CDCP1: variants seen among roughly 807,000 people sequenced by gnomAD.
CDCP1 encodes the protein CUB domain-containing protein 1.
Under a neutral mutation model 60.2 loss-of-function variants are expected in CDCP1, and 29 were observed. The ratio of observed to expected loss-of-function variants is 0.48; its 90% CI spans 0.36 to 0.66. The LOEUF (loss-of-function observed/expected upper bound fraction) is 0.66. Ranked by LOEUF, CDCP1 falls within the 30% of genes least tolerant of loss-of-function variation. The pLI, the probability that CDCP1 is intolerant of heterozygous loss-of-function variation, is 0.00. For missense variants in CDCP1, 876 were observed against 1,074.3 expected, an observed-to-expected ratio of 0.82 and a Z score of 2.58; for synonymous variants, 387 against 431.1, an observed-to-expected ratio of 0.90 and a Z score of 1.27.
At chr3:45,125,826 C>A (rs1215508629) in intron 1 of CDCP1, among the ~76,000 whole-genome samples, 1 of 152,216 alleles carries the variant, frequency 6.6e-6, no homozygotes, top group Non-Finnish European at 1.5e-5. Flanking sequence ...ACCTTATCTG[C>A]CTCACCTAGC....
chr3:45,094,284 G>A (rs1698357907), intron 5 of CDCP1, among the ~76,000 whole-genome samples: 1 of 152,036 alleles, frequency 6.6e-6, no homozygotes, highest in Admixed American at 6.5e-5. Context: ...GGAGTGAAGT[G>A]GTGCGATCTC....
At chr3:45,132,493 G>T (rs1337527022) in intron 1 of CDCP1, among the ~76,000 whole-genome samples, 1 of 152,140 alleles carries the variant, frequency 6.6e-6, no homozygotes, top group Middle Eastern at 3.2e-3. Flanking sequence ...ATCCACTCAT[G>T]GGGGAGGAAC....
chr3:45,121,075 A>G (rs1214347481), intron 1 of CDCP1, among the ~76,000 whole-genome samples: 2 of 152,204 alleles, frequency 1.3e-5, no homozygotes, highest in African/African-American at 4.8e-5. Flanking sequence ...ACAACTCCAT[A>G]TAAAACTATT....
chr3:45,132,281 G>A (rs1307856512), intron 1 of CDCP1, among the ~76,000 whole-genome samples: 3 of 151,688 alleles, frequency 2.0e-5, no homozygotes, highest in Admixed American at 6.6e-5. Context: ...TTACTTGTCT[G>A]AACATAAGCC....
chr3:45,116,073 T>C (rs1698784567), intron 2 of CDCP1, among the ~76,000 whole-genome samples: 1 of 152,212 alleles, frequency 6.6e-6, no homozygotes, highest in South Asian at 2.1e-4. Context: ...CCTTATGTTA[T>C]TGCCTGTTTT....
intron 1 of CDCP1, among the ~76,000 whole-genome samples, chr3:45,128,425 C>T (rs551768714): frequency 6.0e-4 from 92 of 152,344 alleles, no homozygotes; most frequent in African/African-American, 2.0e-3. Context: ...GAATTATATC[C>T]AGTGACCTCA....
chr3:45,126,082 C>G (rs1449607722), intron 1 of CDCP1, among the ~76,000 whole-genome samples: 1 of 148,594 alleles, frequency 6.7e-6, no homozygotes, highest in Non-Finnish European at 1.5e-5. Flanking sequence ...AGAAGAGGAG[C>G]AACTGCTGCC....
chr3:45,108,831 A>G lies in CDCP1; in HGVS notation c.1024+1642T>C, dbSNP rs1195807851. On this transcript the variant is annotated intron_variant, in intron 4 of 8. Coordinates refer to ENST00000296129, the MANE Select transcript of CDCP1 (RefSeq NM_022842.5). ...TGCATGTATACATATATATGCATGT[A>G]TATATATATATGCATGTATACATAT... is the stretch of plus-strand genomic sequence containing the variant. 4.4e-5 allele frequency among the ~76,000 whole-genome samples: 2 copies of G among 45,688 alleles called. 1 individual carries two copies. The highest frequency in any genetic ancestry group is 1.4e-4 in the African/African-American group (2 of 14,540). 30.0% of individuals were successfully genotyped at this position (45,688 alleles called of 152,430 possible).
chr3:45,126,127 T>C (rs946688481), intron 1 of CDCP1, among the ~76,000 whole-genome samples: 3 of 128,112 alleles, frequency 2.3e-5, no homozygotes, highest in Admixed American at 1.6e-4. Context: ...TCTTTCTTTC[T>C]TTCTTTCTTT....
chr3:45,101,941 C>T (rs1464050674), intron 4 of CDCP1, among the ~76,000 whole-genome samples: 7 of 152,016 alleles, frequency 4.6e-5, no homozygotes, highest in Non-Finnish European at 7.4e-5. Flanking sequence ...AGCCGTTCAC[C>T]GTTCATCAAA....
At chr3:45,094,608 G>T (rs1698363271) in intron 5 of CDCP1, among the ~76,000 whole-genome samples, 1 of 151,734 alleles carries the variant, frequency 6.6e-6, no homozygotes, top group Admixed American at 6.6e-5. Context: ...ACCGGTAGGG[G>T]CTAACTGGAT....
chr3:45,089,708 A>G (rs1403426928), intron 7 of CDCP1, among the ~76,000 whole-genome samples: 1 of 152,212 alleles, frequency 6.6e-6, no homozygotes, highest in Admixed American at 6.5e-5. Flanking sequence ...ATTTTGGGGT[A>G]GTTTGTATAT....
intron 5 of CDCP1, 79 bp from the exon 6 acceptor site, chr3:45,093,736 G>A (rs1292762619): frequency 1.3e-6 from 2 of 1,503,612 alleles, no homozygotes; most frequent in South Asian, 1.3e-5. Flanking sequence ...TCAGCCTGAG[G>A]TTGGGTGTCT....
rs1043860278 is a variant in CDCP1 at position 45,125,663 on chromosome 3, T to G, written c.83-7042A>C. On this transcript the variant is annotated intron_variant, in intron 1 of 8. Coordinates refer to ENST00000296129, the MANE Select transcript of CDCP1 (RefSeq NM_022842.5). Reference sequence around the variant, plus strand: ...TAAGCAGACAACTATAGCAGCAGTTTGGCTCTGAGTCTAAAGCCTACAGTC... The same window carrying G: ...TAAGCAGACAACTATAGCAGCAGTTGGGCTCTGAGTCTAAAGCCTACAGTC... Among the ~76,000 whole-genome samples the G allele has an allele frequency of 2.0e-5, 3 of 152,216 alleles. No homozygotes were observed. In the East Asian group the frequency reaches 5.8e-4, roughly 29 times the overall value.
At chr3:45,101,179 G>T (rs914438734) in intron 4 of CDCP1, among the ~76,000 whole-genome samples, 1 of 152,132 alleles carries the variant, frequency 6.6e-6, no homozygotes, top group Non-Finnish European at 1.5e-5. Context: ...CATCTCATTG[G>T]CCAAAGCAAA....
At chr3:45,123,824 A>G (rs769193367) in intron 1 of CDCP1, among the ~76,000 whole-genome samples, 5 of 152,206 alleles carry the variant, frequency 3.3e-5, no homozygotes, top group Non-Finnish European at 5.9e-5. Flanking sequence ...GAAAATCATT[A>G]CCCAGGTTCA....
chr3:45,146,284 C>T lies in CDCP1; in HGVS notation c.4G>A (p.Ala2Thr), dbSNP rs1218379074. Residue 2 changes from alanine (A) to threonine (T), a missense_variant, in exon 1 of 9, where the codon GCC becomes ACC. Coordinates refer to ENST00000296129, the MANE Select transcript of CDCP1 (RefSeq NM_022842.5). The part of the protein sequence containing the change: M[A>T]GLNCGVSIAL... Reference sequence around the variant, plus strand: ...ATAGAGACCCCGCAGTTCAGGCCGGCCATGACTCCGGGACGCCTCGGCCTC... The same window carrying T: ...ATAGAGACCCCGCAGTTCAGGCCGGTCATGACTCCGGGACGCCTCGGCCTC... 1 of 1,579,906 alleles carries T rather than the reference C, an allele frequency of 6.3e-7. No individual in the cohort carries two copies. Among genetic ancestry groups the T allele is most frequent in the Non-Finnish European group, 8.6e-7 (1 of 1,166,596 alleles).
chr3:45,110,505 T>A lies in CDCP1; in HGVS notation c.992A>T (p.Gln331Leu), dbSNP rs149769993. The change falls in exon 4 of 9, where the codon CAA becomes CTA. Residue 331 changes from glutamine to leucine, a missense_variant. Around this residue, in one of 2 missense-constraint regions of CDCP1, gnomAD observed 726 missense variants for 935.7 expected, o/e 0.78. Transcript: ENST00000296129. The part of the protein sequence containing the change: ...QSPGILRLQF[Q>L]VLVQHPQNES... ...ATTTTGTGGATGTTGGACCAAAACT[T>A]GGAACTGCAGCCGGAGGATCCCTGG... 1.2e-6 allele frequency: 2 copies of A among 1,614,068 alleles called. No homozygotes were observed. Among genetic ancestry groups the A allele is most frequent in the Non-Finnish European group, 1.7e-6 (2 of 1,180,038 alleles).
At chr3:45,121,498 T>A (rs528050574) in intron 1 of CDCP1, among the ~76,000 whole-genome samples, 1 of 152,398 alleles carries the variant, frequency 6.6e-6, no homozygotes, top group Non-Finnish European at 1.5e-5. Flanking sequence ...CACCAGCAAG[T>A]GAAGCTGAGT....
Sources: gnomAD v4.1 joint callset for allele counts (sites outside exome capture counted in the v4.1 genomes callset) on GRCh38, gnomAD v4.1.1 for gene constraint, gnomAD v4.1.1 regional missense constraint, MANE v1.5 for transcripts, NCBI Gene and HGNC (gene_info 2026-07-23, HGNC 2026-07-21) for gene names.